Variants in GRAP2 observed in about 807,000 individuals in gnomAD.
GRAP2 encodes the protein GRB2 related adaptor protein 2.
Under a neutral mutation model 43.5 loss-of-function variants are expected in GRAP2, and 31 were observed. The ratio of observed to expected loss-of-function variants is 0.71; its 90% CI spans 0.54 to 0.96. GRAP2 has a LOEUF of 0.96. Ranked by LOEUF, GRAP2 falls within the 40% of genes least tolerant of loss-of-function variation. The probability of loss-of-function intolerance (pLI) is 0.00; values close to 1 mark genes in which losing one functional copy is unlikely to be tolerated. For missense variants in GRAP2, 371 were observed against 424.4 expected (o/e 0.87, Z 1.11); for synonymous variants, 156 against 164.8 (o/e 0.95, Z 0.41).
intron 1 of GRAP2, among the ~76,000 whole-genome samples, chr22:39,903,631 C>T (rs1330737439): frequency 1.3e-5 from 2 of 152,010 alleles, no homozygotes; most frequent in Admixed American, 1.3e-4. Context: ...GTACACACCA[C>T]CACACCTGGC....
rs1308347711 is a variant in GRAP2, at chr22:39,929,470, C to T, written c.-14-17623C>T. Among the ~76,000 whole-genome samples, 3 of 152,256 alleles carry T rather than the reference C, an allele frequency of 2.0e-5. No individual in the cohort carries two copies. In the East Asian group the frequency reaches 5.8e-4, roughly 29 times the overall value. On this transcript the variant is annotated intron_variant, in intron 1 of 7. Transcript: ENST00000344138. ...AAGATAATAGAATGAGCTGAGAATC[C>T]CTGCCAACATTATATTAGAAAGCCA...
chr22:39,941,703 A>G (rs565755708), intron 1 of GRAP2, among the ~76,000 whole-genome samples: 5 of 152,330 alleles, frequency 3.3e-5, no homozygotes, highest in Non-Finnish European at 4.4e-5. Context: ...ACCATCATCT[A>G]AGGCCACCTT....
At chr22:39,922,707 G>C (rs2066663432) in intron 1 of GRAP2, among the ~76,000 whole-genome samples, 1 of 152,130 alleles carries the variant, frequency 6.6e-6, no homozygotes, top group Non-Finnish European at 1.5e-5. Context: ...AGACGATAAA[G>C]CCCACACAAA....
At chr22:39,947,401 A>G in intron 2 of GRAP2, 1 of 551,264 alleles carries the variant, frequency 1.8e-6, no homozygotes, top group South Asian at 2.2e-5. Context: ...GGAGGTTCGT[A>G]GTCTGGAGAG....
At chr22:39,969,866 A>T (rs2067219951) in intron 7 of GRAP2, among the ~76,000 whole-genome samples, 1 of 152,162 alleles carries the variant, frequency 6.6e-6, no homozygotes, top group South Asian at 2.1e-4. Context: ...GTGAGCCGAG[A>T]TTGCGCCATT....
chr22:39,910,943 C>T (rs1312378419), intron 1 of GRAP2, among the ~76,000 whole-genome samples: 1 of 152,172 alleles, frequency 6.6e-6, no homozygotes, highest in East Asian at 1.9e-4. Flanking sequence ...ACTTCATTGT[C>T]TCTTTCCTAT....
At chr22:39,967,774 G>A (rs2284078) in intron 5 of GRAP2, among the ~76,000 whole-genome samples, 124,073 of 152,152 alleles carry the variant, frequency 0.82, 51,400 homozygotes, top group African/African-American at 0.9. Flanking sequence ...CGAGCGCCCT[G>A]GAAATGGACT....
At chr22:39,930,998 T>G (rs1182855509) in intron 1 of GRAP2, among the ~76,000 whole-genome samples, 1 of 152,176 alleles carries the variant, frequency 6.6e-6, no homozygotes, top group Non-Finnish European at 1.5e-5. Flanking sequence ...CCTGAACCAC[T>G]TGAGGTGTGG....
At chr22:39,909,005 G>A (rs1195663530) in intron 1 of GRAP2, among the ~76,000 whole-genome samples, 1 of 152,086 alleles carries the variant, frequency 6.6e-6, no homozygotes, top group Non-Finnish European at 1.5e-5. Flanking sequence ...CTCTGTCCTC[G>A]AGTGAAATTA....
rs568283690 is a variant in GRAP2 at position 39,925,432 on chromosome 22, C to G, written c.-14-21661C>G. On this transcript the variant is annotated intron_variant, in intron 1 of 7. Coordinates refer to ENST00000344138, the MANE Select transcript of GRAP2 (RefSeq NM_004810.4). ...TGGAACCAGCCTCATTCCTTTAGCA[C>G]CCCAGTTTGGACTTGGAGTGGGCCC... Among the ~76,000 whole-genome samples, 5 of 152,214 alleles carry G rather than the reference C, an allele frequency of 3.3e-5. No individual in the cohort carries two copies. In the South Asian group the frequency reaches 1.0e-3, roughly 32 times the overall value.
intron 1 of GRAP2, among the ~76,000 whole-genome samples, chr22:39,937,304 A>G (rs2066816360): frequency 6.6e-6 from 1 of 152,174 alleles, no homozygotes; most frequent in Non-Finnish European, 1.5e-5. Context: ...CATAGATGGC[A>G]AAGTGTAGAA....
chr22:39,958,139 C>G lies in GRAP2; in HGVS notation c.171-1916C>G, dbSNP rs144755413. ...GCATGACCTGCCCTGGGGATCCCCC[C>G]TCCCACTGGAACACCTCTTTCATTT... On this transcript the variant is annotated intron_variant, in intron 3 of 7. Coordinates refer to ENST00000344138, the MANE Select transcript of GRAP2 (RefSeq NM_004810.4). Among the ~76,000 whole-genome samples the G allele has an allele frequency of 1.7e-3, 253 of 152,214 alleles. 1 individual carries two copies. Among genetic ancestry groups the G allele is most frequent in the African/African-American group, 5.7e-3 (238 of 41,520 alleles).
At chr22:39,969,591 TGGA>T in intron 7 of GRAP2, 58 bp downstream of exon 7, 1 of 1,580,888 alleles carries the variant, frequency 6.3e-7, no homozygotes, top group Non-Finnish European at 8.7e-7. Flanking sequence ...CAGAGGTCAA[TGGA>T]GGAGATGAGG....
intron 1 of GRAP2, among the ~76,000 whole-genome samples, chr22:39,942,254 G>C (rs1411696123): frequency 6.6e-6 from 1 of 152,104 alleles, no homozygotes; most frequent in Non-Finnish European, 1.5e-5. Context: ...TGATTAAGCT[G>C]ACCTTGTCAA....
At chr22:39,926,922 T>G in intron 1 of GRAP2, 1 of 821,188 alleles carries the variant, frequency 1.2e-6, no homozygotes, top group Non-Finnish European at 1.5e-6. Context: ...AGGCAGAAGC[T>G]GCCACCCACT....
chr22:39,960,475 C>T (rs951834686), intron 4 of GRAP2: 4 of 326,040 alleles, frequency 1.2e-5, no homozygotes, highest in African/African-American at 8.2e-5. Context: ...ATGCCTTTAA[C>T]AGTGTCTTGC....
intron 3 of GRAP2, 81 bp downstream of exon 3, chr22:39,955,991 G>T: frequency 1.3e-6 from 1 of 766,856 alleles, no homozygotes; most frequent in East Asian, 2.6e-5. Flanking sequence ...AGTTATCCAT[G>T]GGAACCCAAG....
At chr22:39,926,821 A>G (rs1331291524) in intron 1 of GRAP2, 2 of 984,618 alleles carry the variant, frequency 2.0e-6, no homozygotes, top group East Asian at 1.1e-4. Flanking sequence ...ATCACTGCCA[A>G]TTAGGGGAGT....
Position 39,903,720 on chromosome 22 carries a change from G to A in GRAP2, c.-15+2390G>A, listed in dbSNP as rs569177714. Among the ~76,000 whole-genome samples, 23 of 152,058 alleles carry A rather than the reference G, an allele frequency of 1.5e-4. No individual in the cohort carries two copies. In the South Asian group the frequency reaches 4.2e-3, roughly 27 times the overall value. ...TTGAACTCCTGAACTCAAGCGATTC[G>A]CCTGCCTCAGCCTCCCAAAGTGTTG... is the stretch of plus-strand genomic sequence containing the variant. On this transcript the variant is annotated intron_variant, in intron 1 of 7. Transcript: ENST00000344138.
Sources: allele counts gnomAD v4.1 joint callset (sites outside exome capture counted in the v4.1 genomes callset), GRCh38; gene constraint gnomAD v4.1.1; transcripts MANE v1.5; gene names NCBI Gene and HGNC (gene_info 2026-07-23, HGNC 2026-07-21).